Variants in INF2 observed in about 807,000 individuals in gnomAD.
INF2 encodes the protein inverted formin 2.
A neutral mutation model predicts 123.5 loss-of-function variants in INF2; 43 were observed. The observed-to-expected ratio is 0.35, with a 90% CI of 0.27 to 0.45. The LOEUF is 0.45. Among genes scored for constraint, INF2 ranks in the 20% least tolerant of loss-of-function variants. INF2 has a pLI of 1.00. For missense variants in INF2, 1,453 were observed against 1,682.7 expected (o/e 0.86, Z 2.39); for synonymous variants, 851 against 745.0 (o/e 1.14, Z -2.32).
At position 104,701,532 on chromosome 14, in the gene INF2, G is replaced by T; in HGVS notation, c.167G>T (p.Arg56Leu). ...SVVNYSGLRK[R>L]LEGSDGGWMV... is the part of the protein sequence containing the mutation. ...GTCAACTACTCCGGCCTGCGCAAGC[G>T]CCTGGAGGGCAGCGACGGCGGCTGG... is the stretch of plus-strand genomic sequence containing the variant. Residue 56 changes from arginine (R) to leucine (L), a missense_variant, in exon 2 of 23, where the codon CGC (arginine) becomes CTC (leucine). Around this residue, in one of 8 missense-constraint regions of INF2, gnomAD observed 251 missense variants for 349.4 expected, o/e 0.72. Coordinates refer to ENST00000392634, the MANE Select transcript of INF2 (RefSeq NM_022489.4). 1 of 1,608,294 alleles carries T rather than the reference G, an allele frequency of 6.2e-7. No individual in the cohort carries two copies. Among genetic ancestry groups the T allele is most frequent in the Non-Finnish European group, 8.5e-7 (1 of 1,178,272 alleles).
At chr14:104,683,768 C>G (rs1888590280) in intron 1 of INF2, among the ~76,000 whole-genome samples, 1 of 152,170 alleles carries the variant, frequency 6.6e-6, no homozygotes, top group South Asian at 2.1e-4. Flanking sequence ...CCTCCAAGAT[C>G]ATCAGGCAAG....
Position 104,714,417 on chromosome 14 carries a change from C to T in INF2, c.3255C>T (p.Val1085=). The T allele has an allele frequency of 1.2e-6, 2 of 1,607,568 alleles. No individual in the cohort carries two copies. Among genetic ancestry groups the T allele is most frequent in the Non-Finnish European group, 8.5e-7 (1 of 1,177,406 alleles). Residue 1085 remains valine, a synonymous_variant, in exon 21 of 23, where the codon GTC becomes GTT. Transcript: ENST00000392634. Reference sequence around the variant, plus strand: ...CCTGGTATGTGGATGCCAGCGATGTCCTAACCACTGAGGATCCCCAGTGCC... The same window carrying T: ...CCTGGTATGTGGATGCCAGCGATGTTCTAACCACTGAGGATCCCCAGTGCC... ...RSSWYVDASD[V]LTTEDPQCPQ...
chr14:104,708,564 C>A lies in INF2; in HGVS notation c.1864C>A (p.Arg622=). The change falls in exon 9 of 23, where the codon CGG becomes AGG. Residue 622 remains arginine, a synonymous_variant. Coordinates refer to ENST00000392634, the MANE Select transcript of INF2 (RefSeq NM_022489.4). ...KPKEPTMVAP[R]ARKEPKEITF... is the part of the protein sequence containing the mutation. ...CAAGGAGCCCACCATGGTGGCCCCC[C>A]GGGCCAGGAAGGAGCCCAAGGAGGT... 1.9e-6 allele frequency: 3 copies of A among 1,612,494 alleles called. No homozygotes were observed. The highest frequency in any genetic ancestry group is 2.2e-5 in the East Asian group (1 of 44,870).
intron 1 of INF2, among the ~76,000 whole-genome samples, chr14:104,692,273 G>A (rs765864289): frequency 7.2e-5 from 11 of 152,258 alleles, no homozygotes; most frequent in Admixed American, 1.3e-4. Flanking sequence ...CAGGTGAGGC[G>A]CGGGACAGTC....
chr14:104,714,071 A>T, intron 20 of INF2, 132 bp from the exon 21 acceptor site: 1 of 772,212 alleles, frequency 1.3e-6, no homozygotes, highest in Non-Finnish European at 2.0e-6. Context: ...TCCTGCTCTG[A>T]GACATCAGAG....
intron 1 of INF2, among the ~76,000 whole-genome samples, chr14:104,692,213 A>G (rs1888985194): frequency 6.6e-6 from 1 of 152,148 alleles, no homozygotes; most frequent in Admixed American, 6.5e-5. Context: ...ACGGTCTCCC[A>G]CCCTCATCCC....
chr14:104,711,247 A>G, intron 15 of INF2, 61 bp downstream of exon 15: 1 of 1,340,324 alleles, frequency 7.5e-7, no homozygotes. Flanking sequence ...CCTGGGGTGT[A>G]GAGGCGTAGA....
intron 1 of INF2, among the ~76,000 whole-genome samples, chr14:104,693,026 A>C (rs1419696753): frequency 6.6e-6 from 1 of 152,200 alleles, no homozygotes. Context: ...TGTCTGTTGG[A>C]AATGGCATGG....
Position 104,699,665 on chromosome 14 carries a change from A to G in INF2, c.-9-1692A>G, listed in dbSNP as rs7152944. On this transcript the variant is annotated intron_variant, in intron 1 of 22. Coordinates refer to ENST00000392634, the MANE Select transcript of INF2 (RefSeq NM_022489.4). This position sits in a 1 kb window ranked among gnomAD's most constrained non-coding sequence, Gnocchi z 4.7. ...GGAGGGTGGCTTAAAACCACAGTGC[A>G]CCGGGGGCTCCGGGCTCTCCGTTCT... 0.11 allele frequency: 96,057 copies of G among 872,518 alleles called. 8,063 individuals carry two copies. Among genetic ancestry groups the G allele is most frequent in the African/African-American group, 0.4 (22,078 of 54,734 alleles). The allele number at this position is 872,518 out of a possible 1,614,324, so 54.0% of individuals were successfully genotyped here.
upstream of INF2, among the ~76,000 whole-genome samples, chr14:104,688,965 G>T (rs1888784749): frequency 6.6e-6 from 1 of 152,240 alleles, no homozygotes; most frequent in African/African-American, 2.4e-5. Flanking sequence ...CAGCAGAGGG[G>T]TGGCAGAGAA....
intron 1 of INF2, among the ~76,000 whole-genome samples, chr14:104,682,511 A>C (rs1400239843): frequency 6.6e-6 from 1 of 152,172 alleles, no homozygotes; most frequent in African/African-American, 2.4e-5. Context: ...GGGAGCAGGG[A>C]CAGCCATCCG....
Position 104,714,471 on chromosome 14 carries a change from G to A in INF2, c.3309G>A (p.Val1103=). 1 of 1,612,504 alleles carries A rather than the reference G, an allele frequency of 6.2e-7. No individual in the cohort carries two copies. Among genetic ancestry groups the A allele is most frequent in the Non-Finnish European group, 8.5e-7 (1 of 1,179,694 alleles). The change falls in exon 21 of 23, where the codon GTG becomes GTA. Residue 1103 remains valine (V), a synonymous_variant. Transcript: ENST00000392634. ...AGCCCTTGGAGGGGGCCTGGCCGGT[G>A]ACTCTGGGAGATGCTCAGGCCCTGA... ...CPQPLEGAWP[V]TLGDAQALKP...
upstream of INF2, chr14:104,689,541 G>C (rs1445585290): frequency 2.8e-4 from 177 of 637,080 alleles, no homozygotes; most frequent in Non-Finnish European, 3.0e-4. Flanking sequence ...CCCGGCCCGC[G>C]CTCGCTCCCC....
rs1890484126 is a variant in INF2 at position 104,719,850 on chromosome 14, G to A, written c.*1057G>A. The A allele has an allele frequency of 6.6e-6, 1 of 152,274 alleles. No individual in the cohort carries two copies. Among genetic ancestry groups the A allele is most frequent in the Admixed American group, 6.5e-5 (1 of 15,290 alleles). The allele number at this position is 152,274 out of a possible 1,614,324, so 9.4% of individuals were successfully genotyped here. ...CCCTGGAGCCCTCAGGAGGCAGTAA[G>A]AAACATCTAGAAGAGGGCAGACCCA... On this transcript the variant is annotated 3_prime_UTR_variant, in exon 23 of 23. Coordinates refer to ENST00000392634, the MANE Select transcript of INF2 (RefSeq NM_022489.4).
At chr14:104,682,175 T>C (rs1888539763) in intron 1 of INF2, among the ~76,000 whole-genome samples, 1 of 152,152 alleles carries the variant, frequency 6.6e-6, no homozygotes, top group Non-Finnish European at 1.5e-5. Flanking sequence ...CCTGCTATTC[T>C]ACAGGAGAAA....
At chr14:104,694,504 G>A (rs775514330) in intron 1 of INF2, among the ~76,000 whole-genome samples, 7 of 152,332 alleles carry the variant, frequency 4.6e-5, no homozygotes, top group African/African-American at 9.6e-5. Context: ...GAAGGCGGGC[G>A]GTCAGTGCGT....
chr14:104,689,595 C>CCCGCCCCGTG (rs1888834993), upstream of INF2: 1 of 625,306 alleles, frequency 1.6e-6, no homozygotes, highest in Admixed American at 6.4e-5. Context: ...CTTCCTCCCG[C>CCCGCCCCGTG]CCGCCCCGCC....
rs910599989 is a variant in INF2, at chr14:104,708,099, G to A, written c.1735+97G>A. On this transcript the variant is annotated intron_variant, in intron 8 of 22. Coordinates refer to ENST00000392634, the MANE Select transcript of INF2 (RefSeq NM_022489.4). The stretch of plus-strand genomic sequence containing the variant: ...GGTGGCACATGGAACTTGTGTGCGC[G>A]TCCTGCCCGTGCGTGGCCAGGGCAG... 39 of 1,556,312 alleles carry A rather than the reference G, an allele frequency of 2.5e-5. No homozygotes were observed. The East Asian group carries it at 3.9e-4, about 16-fold the overall frequency.
In INF2 at chr14:104,707,837, T is replaced by A; in HGVS notation, c.1570T>A (p.Cys524Ser). ...TCCACCCCCACCTCCACTACTGCCC[T>A]GCACCTGCAGCCCCCCCGTGGCGGG... is the stretch of plus-strand genomic sequence containing the variant. Reference protein sequence around the residue: ...PPPPPPPLLPCTCSPPVAGGM... With the variant: ...PPPPPPPLLPSTCSPPVAGGM... The change falls in exon 8 of 23, where the codon TGC (cysteine) becomes AGC (serine). Residue 524 changes from cysteine (C) to serine (S), a missense_variant. By Grantham distance (112) the Cys-to-Ser change is moderately radical (BLOSUM62 -1). Coordinates refer to ENST00000392634, the MANE Select transcript of INF2 (RefSeq NM_022489.4). 1 of 1,446,508 alleles carries A rather than the reference T, an allele frequency of 6.9e-7. No individual in the cohort carries two copies. The highest frequency in any genetic ancestry group is 1.9e-5 in the Admixed American group (1 of 52,740). 89.6% of individuals were successfully genotyped at this position (1,446,508 alleles called of 1,614,324 possible). A position where few individuals can be genotyped will look rare whatever the true frequency, so the allele number is the denominator to read the frequency against.
Sources: gnomAD v4.1 joint callset for allele counts (sites outside exome capture counted in the v4.1 genomes callset) on GRCh38, gnomAD v4.1.1 for gene constraint, gnomAD v4.1.1 regional missense constraint, Gnocchi (gnomAD v3.1) non-coding constraint, MANE v1.5 for transcripts, NCBI Gene and HGNC (gene_info 2026-07-23, HGNC 2026-07-21) for gene names.